Variants in GABRG3 observed in about 807,000 individuals in gnomAD.
The protein encoded by GABRG3 is gamma-aminobutyric acid type A receptor subunit gamma3.
In GABRG3, 25 loss-of-function variants were observed where a neutral mutation model predicts 48.8. The ratio of observed to expected loss-of-function variants is 0.51; its 90% CI spans 0.37 to 0.72. GABRG3 has a LOEUF of 0.72. Ranked by LOEUF, GABRG3 falls within the 30% of genes least tolerant of loss-of-function variation. The probability of loss-of-function intolerance (pLI) is 0.00; values close to 1 mark genes in which losing one functional copy is unlikely to be tolerated. For synonymous variants in GABRG3, 227 were observed against 217.6 expected (o/e 1.04, Z -0.38); for missense variants, 394 against 577.9 (o/e 0.68, Z 3.26).
intron 3 of GABRG3, among the ~76,000 whole-genome samples, chr15:27,284,826 A>G (rs1040070659): frequency 1.3e-5 from 2 of 152,346 alleles, no homozygotes; most frequent in Admixed American, 6.5e-5. Context: ...CTGTGTTTCT[A>G]ACAGCTTTGA....
intron 5 of GABRG3, among the ~76,000 whole-genome samples, chr15:27,454,817 T>C (rs1258475191): frequency 6.6e-6 from 1 of 152,164 alleles, no homozygotes; most frequent in Non-Finnish European, 1.5e-5. Flanking sequence ...TGTCAACACA[T>C]ACGTACGTTG....
chr15:27,283,815 TTTC>T (rs1891517853), intron 3 of GABRG3, among the ~76,000 whole-genome samples: 1 of 152,166 alleles, frequency 6.6e-6, no homozygotes, highest in Non-Finnish European at 1.5e-5. Context: ...GCCCATCTGC[TTTC>T]TTCTTCTTAC....
chr15:27,262,346 A>C (rs1331487615), intron 3 of GABRG3, among the ~76,000 whole-genome samples: 1 of 152,228 alleles, frequency 6.6e-6, no homozygotes, highest in African/African-American at 2.4e-5. Context: ...TGATGGTAAG[A>C]GTGCTATGTC....
chr15:27,206,477 T>C (rs1298955801), intron 3 of GABRG3, among the ~76,000 whole-genome samples: 1 of 152,214 alleles, frequency 6.6e-6, no homozygotes, highest in Non-Finnish European at 1.5e-5. Context: ...GCTTAGCATA[T>C]GGTAAATGTT....
intron 5 of GABRG3, among the ~76,000 whole-genome samples, chr15:27,338,522 C>T (rs1437913652): frequency 2.6e-5 from 4 of 152,280 alleles, no homozygotes; most frequent in African/African-American, 2.4e-5. Context: ...CGCTGGTTCA[C>T]GGCACTCGCA....
At chr15:27,310,096 A>G (rs541630895) in intron 3 of GABRG3, among the ~76,000 whole-genome samples, 1 of 152,102 alleles carries the variant, frequency 6.6e-6, no homozygotes, top group East Asian at 1.9e-4. Flanking sequence ...TGTATATTCT[A>G]CTCCCTCCCA....
intron 3 of GABRG3, among the ~76,000 whole-genome samples, chr15:27,168,806 G>A (rs555786360): frequency 5.5e-4 from 83 of 152,122 alleles, no homozygotes; most frequent in Non-Finnish European, 9.3e-4. Flanking sequence ...CCTTCAGAGC[G>A]ATGAGAAATA....
chr15:27,074,415 T>C (rs67049344), intron 3 of GABRG3, among the ~76,000 whole-genome samples: 31,302 of 151,706 alleles, frequency 0.21, 3,380 homozygotes, highest in Middle Eastern at 0.27. Flanking sequence ...CTTCCTTCTG[T>C]GCTGCTGGCT....
chr15:27,376,177 C>G (rs750064050), intron 5 of GABRG3, among the ~76,000 whole-genome samples: 22 of 152,366 alleles, frequency 1.4e-4, no homozygotes, highest in Admixed American at 3.3e-4. Flanking sequence ...GACTCCATGT[C>G]TCACATCCAG....
chr15:27,150,867 T>G (rs1343278480), intron 3 of GABRG3, among the ~76,000 whole-genome samples: 1 of 152,164 alleles, frequency 6.6e-6, no homozygotes, highest in Non-Finnish European at 1.5e-5. Context: ...GAGAATTTGG[T>G]CAAGCTGCTG....
intron 2 of GABRG3, among the ~76,000 whole-genome samples, chr15:27,007,131 GCA>G (rs1895601448): frequency 6.6e-6 from 1 of 151,262 alleles, no homozygotes; most frequent in Admixed American, 6.6e-5. Context: ...CCTGGCTGGA[GCA>G]CAGTGGCATA....
chr15:27,061,876 G>A (rs558339166), intron 3 of GABRG3, among the ~76,000 whole-genome samples: 12 of 152,160 alleles, frequency 7.9e-5, no homozygotes, highest in African/African-American at 2.9e-4. Flanking sequence ...CTGTGCTCCC[G>A]AGAGGCACTG....
chr15:27,163,710 A>T (rs11858878), intron 3 of GABRG3, among the ~76,000 whole-genome samples: 55,810 of 151,642 alleles, frequency 0.37, 10,565 homozygotes, highest in African/African-American at 0.44. Flanking sequence ...CACTCTCTCT[A>T]ATTCTCCAGC....
intron 3 of GABRG3, among the ~76,000 whole-genome samples, chr15:27,244,716 G>C (rs1264642606): frequency 6.6e-6 from 1 of 152,168 alleles, no homozygotes; most frequent in East Asian, 1.9e-4. Context: ...CCAGGAGTTT[G>C]AGGCTACAGT....
intron 3 of GABRG3, among the ~76,000 whole-genome samples, chr15:27,309,230 A>G (rs573819836): frequency 0.044 from 6,700 of 151,698 alleles, 456 homozygotes; most frequent in African/African-American, 0.15. Context: ...CATAATGTAA[A>G]CATATATTTA....
chr15:27,417,752 G>A (rs746633522), intron 5 of GABRG3, among the ~76,000 whole-genome samples: 11 of 152,242 alleles, frequency 7.2e-5, no homozygotes, highest in South Asian at 2.1e-4. Flanking sequence ...CCTTCTTCTC[G>A]TGCGAGGACT....
intron 3 of GABRG3, among the ~76,000 whole-genome samples, chr15:27,282,651 T>G (rs1411853023): frequency 6.6e-6 from 1 of 152,230 alleles, no homozygotes; most frequent in Non-Finnish European, 1.5e-5. Flanking sequence ...CTGGAGCAAT[T>G]AAATATTTCC....
intron 3 of GABRG3, among the ~76,000 whole-genome samples, chr15:27,092,699 G>C (rs12373010): frequency 0.25 from 37,744 of 152,130 alleles, 4,841 homozygotes; most frequent in Middle Eastern, 0.35. Flanking sequence ...ATATGTGTTT[G>C]CTTTGTGTGC....
intron 3 of GABRG3, among the ~76,000 whole-genome samples, chr15:27,292,782 A>G (rs532209247): frequency 3.3e-5 from 5 of 152,340 alleles, no homozygotes; most frequent in African/African-American, 9.6e-5. Context: ...AGTTGTTACT[A>G]TAGCTACCAG....
Sources: allele counts gnomAD v4.1 joint callset (sites outside exome capture counted in the v4.1 genomes callset), GRCh38; gene constraint gnomAD v4.1.1; transcripts MANE v1.5; gene names NCBI Gene and HGNC (gene_info 2026-07-23, HGNC 2026-07-21).